The following ADGRE3 variants were observed in gnomAD, a reference collection of about 807,000 sequenced individuals.
ADGRE3 encodes adhesion G protein-coupled receptor E3.
A neutral mutation model predicts 80.1 loss-of-function variants in ADGRE3; 88 were observed. That is an observed-to-expected ratio of 1.10 (90% CI 0.93 to 1.31). The LOEUF (loss-of-function observed/expected upper bound fraction) is 1.31. Among genes scored for constraint, ADGRE3 ranks in the 40% most tolerant of loss-of-function variants. The probability of loss-of-function intolerance (pLI) is 0.00; values close to 1 mark genes in which losing one functional copy is unlikely to be tolerated. For missense variants in ADGRE3, 715 were observed against 776.5 expected, an observed-to-expected ratio of 0.92 and a Z score of 0.94; for synonymous variants, 281 against 294.8, an observed-to-expected ratio of 0.95 and a Z score of 0.48.
the ADGRE3 span, among the ~76,000 whole-genome samples, chr19:14,601,930 C>T: frequency 6.6e-6 from 1 of 151,858 alleles, no homozygotes; most frequent in Non-Finnish European, 1.5e-5. Context: ...GTAGCTGGGA[C>T]TACAGGCGCC....
In ADGRE3 at chr19:14,630,028, T is replaced by G. The variant is rs751137613; in HGVS notation, c.1812+11A>C. The G allele has an allele frequency of 5.1e-6, 8 of 1,566,314 alleles. No individual in the cohort carries two copies. In the South Asian group the frequency reaches 9.4e-5, roughly 18 times the overall value. On this transcript the variant is annotated intron_variant, in intron 14 of 15. Transcript: ENST00000253673. ...TAAGTTTAAATAACAAAGAAAGGGG[T>G]CAGTGTTTACCTGCTGGCTGAGGAG...
the ADGRE3 span, among the ~76,000 whole-genome samples, chr19:14,601,982 CG>C: frequency 0.012 from 1,813 of 151,946 alleles, 32 homozygotes; most frequent in African/African-American, 0.041. Flanking sequence ...TTAGTAGAGA[CG>C]GGGTTTCACT....
intron 8 of ADGRE3, among the ~76,000 whole-genome samples, chr19:14,645,594 G>A (rs762176032): frequency 6.6e-6 from 1 of 151,968 alleles, no homozygotes; most frequent in African/African-American, 2.4e-5. Flanking sequence ...GGGAGGCGGA[G>A]GTTGCAGTGA....
intron 11 of ADGRE3, among the ~76,000 whole-genome samples, chr19:14,635,555 G>C (rs1346131967): frequency 6.6e-6 from 1 of 151,804 alleles, no homozygotes; most frequent in Non-Finnish European, 1.5e-5. Flanking sequence ...GAGATTACAG[G>C]CGCGCACCAC....
chr19:14,646,559 T>G (rs1375189800), intron 8 of ADGRE3, among the ~76,000 whole-genome samples: 2 of 151,458 alleles, frequency 1.3e-5, no homozygotes, highest in Non-Finnish European at 3.0e-5. Context: ...TTTTTTTTTT[T>G]TTTTGCATTT....
At chr19:14,605,845 C>T in the ADGRE3 span, among the ~76,000 whole-genome samples, 4 of 151,984 alleles carry the variant, frequency 2.6e-5, no homozygotes, top group South Asian at 2.1e-4. Context: ...CTTAAGGGAT[C>T]CTCCCACCTC....
chr19:14,600,252 C>T, the ADGRE3 span: 1 of 1,534,490 alleles, frequency 6.5e-7, no homozygotes, highest in Non-Finnish European at 8.8e-7. Context: ...ATGCACACAT[C>T]CCTCCCTTCC....
intron 2 of ADGRE3, among the ~76,000 whole-genome samples, chr19:14,667,041 C>G (rs112613272): frequency 9.5e-4 from 144 of 152,188 alleles, no homozygotes; most frequent in Admixed American, 1.8e-3. Flanking sequence ...CGCAGGTTGT[C>G]CCTTCATGTA....
intron 1 of ADGRE3, among the ~76,000 whole-genome samples, chr19:14,674,166 T>C (rs567455876): frequency 2.6e-5 from 4 of 152,064 alleles, no homozygotes; most frequent in African/African-American, 7.2e-5. Context: ...GGAGAAGACA[T>C]CAATTAGAAA....
At chr19:14,674,169 A>G (rs117745740) in intron 1 of ADGRE3, among the ~76,000 whole-genome samples, 4,702 of 152,286 alleles carry the variant, frequency 0.031, 97 homozygotes, top group Non-Finnish European at 0.045. Context: ...GAAGACATCA[A>G]TTAGAAAACA....
the ADGRE3 span, among the ~76,000 whole-genome samples, chr19:14,600,573 A>ATTTCT: frequency 1.3e-5 from 2 of 150,906 alleles, no homozygotes. Context: ...GGAAGAGTTT[A>ATTTCT]TTTCTTTTCT....
chr19:14,608,628 A>ATTT, the ADGRE3 span, among the ~76,000 whole-genome samples: 54 of 119,706 alleles, frequency 4.5e-4, no homozygotes, highest in Non-Finnish European at 5.3e-4. Flanking sequence ...ATGAGGAAGA[A>ATTT]TTTTTTTTTT....
In ADGRE3 at chr19:14,631,135, G is replaced by A. The variant is rs180911815; in HGVS notation, c.1644-928C>T. ...AATCCACCTGCCTCGGCCTCCCAAA[G>A]TGTTGGGATTACAGGTGTGAGCCAC... On this transcript the variant is annotated intron_variant, in intron 13 of 15. Coordinates refer to ENST00000253673, the MANE Select transcript of ADGRE3 (RefSeq NM_032571.5). Among the ~76,000 whole-genome samples, 13 of 152,178 alleles carry A rather than the reference G, an allele frequency of 8.5e-5. No homozygotes were observed. In the East Asian group the frequency reaches 1.4e-3, roughly 16 times the overall value.
At chr19:14,657,055 C>T (rs1381430285) in intron 5 of ADGRE3, among the ~76,000 whole-genome samples, 2 of 152,000 alleles carry the variant, frequency 1.3e-5, no homozygotes, top group East Asian at 3.9e-4. Flanking sequence ...GCCCCCATGC[C>T]CGGCTAATTT....
chr19:14,665,811 G>A (rs1972077224), intron 2 of ADGRE3, among the ~76,000 whole-genome samples: 1 of 146,032 alleles, frequency 6.8e-6, no homozygotes, highest in Non-Finnish European at 1.5e-5. Flanking sequence ...TTTATTTTTG[G>A]ATAAAAATAA....
chr19:14,634,420 T>C (rs2146822256), intron 11 of ADGRE3, among the ~76,000 whole-genome samples: 1 of 152,320 alleles, frequency 6.6e-6, no homozygotes, highest in Middle Eastern at 3.4e-3. Context: ...GTAATTTAAG[T>C]ATGTGATTTA....
intron 6 of ADGRE3, among the ~76,000 whole-genome samples, chr19:14,652,585 G>C (rs192443029): frequency 4.6e-5 from 7 of 151,898 alleles, no homozygotes; most frequent in Admixed American, 1.3e-4. Flanking sequence ...TTCAAGACCA[G>C]CCTGGCCAAC....
downstream of ADGRE3, among the ~76,000 whole-genome samples, chr19:14,616,026 G>A (rs1221093787): frequency 6.6e-6 from 1 of 150,416 alleles, no homozygotes; most frequent in Non-Finnish European, 1.5e-5. Context: ...CCGCCTCCCA[G>A]GTTCAAGTGA....
downstream of ADGRE3, among the ~76,000 whole-genome samples, chr19:14,614,754 T>C (rs968627880): frequency 6.6e-6 from 1 of 151,950 alleles, no homozygotes; most frequent in African/African-American, 2.4e-5. Flanking sequence ...TTTTCGTATT[T>C]TTACTAGAGA....
Sources: allele counts gnomAD v4.1 joint callset (sites outside exome capture counted in the v4.1 genomes callset), GRCh38; gene constraint gnomAD v4.1.1; transcripts MANE v1.5; gene names NCBI Gene and HGNC (gene_info 2026-07-23, HGNC 2026-07-21).